DNAH14: variants seen among roughly 807,000 people sequenced by gnomAD.
DNAH14 encodes dynein axonemal heavy chain 14.
DNAH14 carries 478 observed loss-of-function variants against 520.9 expected under a neutral mutation model. The observed-to-expected ratio is 0.92, with a 90% CI of 0.85 to 0.99. The LOEUF is 0.99. Among genes scored for constraint, DNAH14 ranks in the 50% least tolerant of loss-of-function variants. DNAH14 has a pLI of 0.00. For synonymous variants in DNAH14, 1,581 were observed against 1,757.2 expected, an observed-to-expected ratio of 0.90 and a Z score of 2.51; for missense variants, 4,831 against 5,234.5, an observed-to-expected ratio of 0.92 and a Z score of 2.38.
chr1:225,165,248 A>G (rs1183068694), intron 35 of DNAH14, among the ~76,000 whole-genome samples: 1 of 152,096 alleles, frequency 6.6e-6, no homozygotes, highest in Non-Finnish European at 1.5e-5. Context: ...TTATTATTTT[A>G]TAGTGTATCT....
In DNAH14 at chr1:225,275,289, C is replaced by A. The variant is rs376340148; in HGVS notation, c.8011-625C>A. ...GACTAGTATGGACCCTGCCTCCAAG[C>A]ACATTACAACCTAAGAAGTGCAATG... On this transcript the variant is annotated intron_variant, in intron 52 of 85. Coordinates refer to ENST00000682510, the MANE Select transcript of DNAH14 (RefSeq NM_001367479.1). Among the ~76,000 whole-genome samples, 16 of 152,170 alleles carry A rather than the reference C, an allele frequency of 1.1e-4. 1 individual carries two copies. The highest frequency in any genetic ancestry group is 5.8e-4 in the East Asian group (3 of 5,196).
intron 21 of DNAH14, among the ~76,000 whole-genome samples, chr1:225,094,675 A>AC (rs2074749552): frequency 1.0e-5 from 1 of 97,794 alleles, no homozygotes; most frequent in Non-Finnish European, 1.7e-5. Flanking sequence ...AAAAAAAAAA[A>AC]AAACAACAAA....
At chr1:225,286,899 T>C (rs916323080) in intron 54 of DNAH14, among the ~76,000 whole-genome samples, 2 of 151,998 alleles carry the variant, frequency 1.3e-5, no homozygotes, top group African/African-American at 4.8e-5. Flanking sequence ...TATTAAGAGA[T>C]AAAAAGAAAT....
chr1:225,150,051 T>C (rs1273565020), intron 31 of DNAH14, among the ~76,000 whole-genome samples: 1 of 152,206 alleles, frequency 6.6e-6, no homozygotes, highest in African/African-American at 2.4e-5. Flanking sequence ...CATAAATGAC[T>C]CATTATTTTG....
chr1:225,248,067 A>G (rs1405903731), intron 43 of DNAH14, among the ~76,000 whole-genome samples: 5 of 152,174 alleles, frequency 3.3e-5, no homozygotes, highest in Admixed American at 6.5e-5. Flanking sequence ...AACAATAGAG[A>G]TCAAAAGATA....
Position 225,192,836 on chromosome 1 carries a change from A to G in DNAH14, c.5811A>G (p.Val1937=), listed in dbSNP as rs187487970. 1 of 1,550,256 alleles carries G rather than the reference A, an allele frequency of 6.5e-7. No homozygotes were observed. Residue 1937 remains valine (V), a synonymous_variant, in exon 38 of 86, where the codon GTA becomes GTG. Transcript: ENST00000682510. ...GLLSATIRSY[V]YFNTPKNTKK... ...TATCAGCAACAATTCGAAGTTATGT[A>G]TATTTTAACACACCAAAGAACACAA...
chr1:225,243,254 A>C (rs1166769940), intron 43 of DNAH14, among the ~76,000 whole-genome samples: 1 of 152,162 alleles, frequency 6.6e-6, no homozygotes, highest in Non-Finnish European at 1.5e-5. Flanking sequence ...TGAATATGAA[A>C]TTTTGCTTTG....
At chr1:224,948,874 T>C (rs1049955819) in intron 1 of DNAH14, among the ~76,000 whole-genome samples, 26 of 152,194 alleles carry the variant, frequency 1.7e-4, no homozygotes, top group African/African-American at 4.8e-4. Flanking sequence ...TATGCTGTTA[T>C]TGTTGGGTAA....
chr1:225,312,102 T>C (rs2094379453), intron 60 of DNAH14, among the ~76,000 whole-genome samples: 1 of 152,162 alleles, frequency 6.6e-6, no homozygotes, highest in African/African-American at 2.4e-5. Context: ...TCCGTTTGTT[T>C]GTGTCCTCTC....
At chr1:225,057,738 AG>A (rs1416244096) in intron 17 of DNAH14, among the ~76,000 whole-genome samples, 7 of 152,174 alleles carry the variant, frequency 4.6e-5, no homozygotes, top group Non-Finnish European at 7.3e-5. Context: ...CTTAGCATGA[AG>A]GGTTGTTGAA....
At chr1:225,393,347 A>G (rs764968867) in intron 84 of DNAH14, among the ~76,000 whole-genome samples, 42 of 152,342 alleles carry the variant, frequency 2.8e-4, no homozygotes, top group Non-Finnish European at 4.6e-4. Context: ...CCTACACGGC[A>G]TAGCCTACTG....
intron 41 of DNAH14, among the ~76,000 whole-genome samples, chr1:225,216,535 T>C (rs1165962937): frequency 6.6e-6 from 1 of 152,254 alleles, no homozygotes; most frequent in Non-Finnish European, 1.5e-5. Flanking sequence ...GGTACACCAA[T>C]CAGACGTAGA....
intron 43 of DNAH14, among the ~76,000 whole-genome samples, chr1:225,248,333 C>G (rs948093087): frequency 1.3e-5 from 2 of 152,034 alleles, no homozygotes; most frequent in African/African-American, 4.8e-5. Context: ...ACTGATAAAA[C>G]TATTGATTAT....
chr1:225,025,453 T>G (rs565817109), intron 11 of DNAH14, among the ~76,000 whole-genome samples: 22 of 150,992 alleles, frequency 1.5e-4, no homozygotes, highest in Non-Finnish European at 3.1e-4. Context: ...TAAATTTGGC[T>G]GGGCATGGTG....
At chr1:225,213,723 T>C (rs1345054666) in intron 41 of DNAH14, among the ~76,000 whole-genome samples, 1 of 152,132 alleles carries the variant, frequency 6.6e-6, no homozygotes, top group Non-Finnish European at 1.5e-5. Context: ...GTTACTGGGG[T>C]ATAGGAATGC....
At chr1:225,379,953 C>T (rs951564957) in intron 79 of DNAH14, among the ~76,000 whole-genome samples, 33 of 152,236 alleles carry the variant, frequency 2.2e-4, no homozygotes, top group African/African-American at 7.2e-4. Flanking sequence ...AACATTTATC[C>T]TTTGTGTTGG....
intron 21 of DNAH14, among the ~76,000 whole-genome samples, chr1:225,096,610 C>G (rs2148696838): frequency 6.6e-6 from 1 of 152,198 alleles, no homozygotes; most frequent in Admixed American, 6.5e-5. Context: ...CGTATAAGTA[C>G]TGACATAAAA....
At position 225,272,172 on chromosome 1, in the gene DNAH14, T is replaced by G. The variant is rs994992337; in HGVS notation, c.7839+99T>G. ...TTGTTAGAAGGGGAAAAAAGGGAAA[T>G]GAATGTTGGTTAGTTTTGCTATTAG... On this transcript the variant is annotated intron_variant, in intron 51 of 85. Coordinates refer to ENST00000682510, the MANE Select transcript of DNAH14 (RefSeq NM_001367479.1). 34 of 1,220,054 alleles carry G rather than the reference T, an allele frequency of 2.8e-5. No homozygotes were observed. The East Asian group carries it at 8.9e-4, about 32-fold the overall frequency. The allele number at this position is 1,220,054 out of a possible 1,614,324, so 75.6% of individuals were successfully genotyped here. A position where few individuals can be genotyped will look rare whatever the true frequency, so the allele number is the denominator to read the frequency against.
chr1:224,950,344 C>G (rs944867225), intron 1 of DNAH14, among the ~76,000 whole-genome samples: 1 of 151,926 alleles, frequency 6.6e-6, no homozygotes, highest in Non-Finnish European at 1.5e-5. Context: ...TGATATTTTT[C>G]ATGAATTTTG....
Sources: gnomAD v4.1 joint callset for allele counts (sites outside exome capture counted in the v4.1 genomes callset) on GRCh38, gnomAD v4.1.1 for gene constraint, MANE v1.5 for transcripts, NCBI Gene and HGNC (gene_info 2026-07-23, HGNC 2026-07-21) for gene names.